Variants in WWOX observed in about 807,000 individuals in gnomAD.
WWOX encodes the protein WW domain-containing oxidoreductase.
Under a neutral mutation model 46.2 loss-of-function variants are expected in WWOX, and 69 were observed. That is an observed-to-expected ratio of 1.49 (90% CI 1.23 to 1.82). The LOEUF (loss-of-function observed/expected upper bound fraction) is 1.82. Among genes scored for constraint, WWOX ranks in the 40% most tolerant of loss-of-function variants. The probability of loss-of-function intolerance (pLI) is 0.00; values close to 1 mark genes in which losing one functional copy is unlikely to be tolerated. For missense variants in WWOX, 919 were observed against 542.6 expected (o/e 1.69, Z -6.89); for synonymous variants, 359 against 202.6 (o/e 1.77, Z -6.56).
At chr16:78,636,642 C>T (rs971423179) in intron 8 of WWOX, among the ~76,000 whole-genome samples, 1 of 152,090 alleles carries the variant, frequency 6.6e-6, no homozygotes, top group African/African-American at 2.4e-5. Flanking sequence ...TTTTTAGCCT[C>T]AAGTTTCTGG....
intron 8 of WWOX, among the ~76,000 whole-genome samples, chr16:78,865,094 A>C (rs1025316734): frequency 1.8e-4 from 27 of 152,088 alleles, no homozygotes; most frequent in African/African-American, 6.5e-4. Flanking sequence ...TTAGTGCTTT[A>C]ATATGTTAAA....
chr16:78,769,362 CCT>C (rs1209090382), intron 8 of WWOX, among the ~76,000 whole-genome samples: 3 of 152,102 alleles, frequency 2.0e-5, no homozygotes, highest in African/African-American at 7.2e-5. Context: ...TGCTCCGCCC[CCT>C]CTCTTCCCCT....
chr16:78,730,313 C>G (rs1339070426), intron 8 of WWOX, among the ~76,000 whole-genome samples: 2 of 152,174 alleles, frequency 1.3e-5, no homozygotes, highest in East Asian at 3.9e-4. Context: ...CCTTCCCTCT[C>G]TGCCTCCTTC....
At chr16:79,023,392 A>T (rs542314298) in intron 8 of WWOX, among the ~76,000 whole-genome samples, 4 of 152,136 alleles carry the variant, frequency 2.6e-5, no homozygotes, top group East Asian at 3.9e-4. Flanking sequence ...CCCTTGAGTG[A>T]TTTACTTGGT....
In WWOX at chr16:78,972,232, C is replaced by G. The variant is rs114965211; in HGVS notation, c.1057-239376C>G. Among the ~76,000 whole-genome samples, 610 of 152,160 alleles carry G rather than the reference C, an allele frequency of 4.0e-3. 2 individuals carry two copies. Among genetic ancestry groups the G allele is most frequent in the African/African-American group, 0.014 (567 of 41,502 alleles). ...TTGGAGGGGCGTTCAGACAAAGAGCCAAATTTAAATTCATGTAATGTTGCT... is the reference window on the plus strand; with the variant it reads ...TTGGAGGGGCGTTCAGACAAAGAGCGAAATTTAAATTCATGTAATGTTGCT... On this transcript the variant is annotated intron_variant, in intron 8 of 8. Coordinates refer to ENST00000566780, the MANE Select transcript of WWOX (RefSeq NM_016373.4).
chr16:78,753,816 AAAAAAAAAAAT>A (rs1411564883), intron 8 of WWOX, among the ~76,000 whole-genome samples: 1 of 87,542 alleles, frequency 1.1e-5, no homozygotes, highest in African/African-American at 4.3e-5. Flanking sequence ...AAAAAAAAAA[AAAAAAAAAAAT>A]ATATATATAT....
chr16:79,212,332 G>C lies in WWOX; in HGVS notation c.*536G>C. The C allele has an allele frequency of 1.4e-6, 1 of 732,080 alleles. No individual in the cohort carries two copies. Among genetic ancestry groups the C allele is most frequent in the Non-Finnish European group, 2.1e-6 (1 of 470,010 alleles). 45.3% of individuals were successfully genotyped at this position (732,080 alleles called of 1,614,324 possible). ...AGACAAATCTCAGAACCTTGTCCCA[G>C]CCAGTGAGGATGACAGTGACACCCA... On this transcript the variant is annotated 3_prime_UTR_variant, in exon 9 of 9. Coordinates refer to ENST00000566780, the MANE Select transcript of WWOX (RefSeq NM_016373.4).
At chr16:78,232,598 T>C (rs1413195827) in intron 5 of WWOX, among the ~76,000 whole-genome samples, 2 of 152,198 alleles carry the variant, frequency 1.3e-5, no homozygotes, top group Non-Finnish European at 2.9e-5. Context: ...AAAATTAACT[T>C]TTAAAATCTG....
intron 8 of WWOX, among the ~76,000 whole-genome samples, chr16:78,467,333 G>A (rs755987543): frequency 3.8e-4 from 58 of 151,960 alleles, no homozygotes; most frequent in African/African-American, 5.3e-4. Flanking sequence ...ACATGTATGC[G>A]CACATACACA....
intron 8 of WWOX, among the ~76,000 whole-genome samples, chr16:78,536,908 T>G (rs1000035599): frequency 5.3e-5 from 8 of 151,648 alleles, no homozygotes; most frequent in African/African-American, 1.9e-4. Context: ...AGTCTTTTTT[T>G]TTTTTTTTTT....
At chr16:78,626,812 A>T (rs62039373) in intron 8 of WWOX, among the ~76,000 whole-genome samples, 1 of 151,934 alleles carries the variant, frequency 6.6e-6, no homozygotes, top group Non-Finnish European at 1.5e-5. Context: ...TCATTTATTT[A>T]TATCACGGTA....
chr16:78,479,916 A>G (rs558477122), intron 8 of WWOX, among the ~76,000 whole-genome samples: 3 of 152,332 alleles, frequency 2.0e-5, no homozygotes, highest in African/African-American at 7.2e-5. Context: ...AGGAGGAACC[A>G]ATGACAATGG....
Position 79,211,840 on chromosome 16 carries a change from G to T in WWOX, c.*44G>T, listed in dbSNP as rs200566063. On this transcript the variant is annotated 3_prime_UTR_variant, in exon 9 of 9. Transcript: ENST00000566780. ...GGGCACACACACCCGCCCTGTGTGTGTCCCCTCACGCAAGTGCCAGGGCTG... is the reference window on the plus strand; with the variant it reads ...GGGCACACACACCCGCCCTGTGTGTTTCCCCTCACGCAAGTGCCAGGGCTG... The T allele has an allele frequency of 1.9e-3, 3,052 of 1,611,590 alleles. 42 individuals are homozygous for T. Among genetic ancestry groups the T allele is most frequent in the Middle Eastern group, 6.3e-3 (38 of 6,060 alleles).
intron 8 of WWOX, among the ~76,000 whole-genome samples, chr16:78,679,843 G>A (rs1204866597): frequency 6.6e-6 from 1 of 152,126 alleles, no homozygotes; most frequent in Non-Finnish European, 1.5e-5. Context: ...CTGTTTTAGG[G>A]GCCATGCTGT....
At chr16:78,530,204 G>C (rs2043588294) in intron 8 of WWOX, among the ~76,000 whole-genome samples, 1 of 152,168 alleles carries the variant, frequency 6.6e-6, no homozygotes, top group Non-Finnish European at 1.5e-5. Flanking sequence ...ACCCTAAAAG[G>C]AGTGTTACAG....
chr16:79,106,666 T>C (rs1270357965), intron 8 of WWOX: 1 of 139,324 alleles, frequency 7.2e-6, no homozygotes, highest in Non-Finnish European at 1.5e-5. Context: ...GTCAGGATCA[T>C]AGCTCCACTG....
At chr16:78,457,586 A>G (rs1209269880) in intron 8 of WWOX, among the ~76,000 whole-genome samples, 1 of 152,040 alleles carries the variant, frequency 6.6e-6, no homozygotes, top group East Asian at 1.9e-4. Flanking sequence ...TGCATTTACA[A>G]CATTTGTGGG....
chr16:78,119,896 T>C lies in WWOX; in HGVS notation c.409+4742T>C, dbSNP rs79181213. On this transcript the variant is annotated intron_variant, in intron 4 of 8. Transcript: ENST00000566780. ...TGATTTTTAAAATTTTTTTCAGAGT[T>C]TGGTCCAGATGAAGTTTCTTTCACC... is the stretch of plus-strand genomic sequence containing the variant. Among the ~76,000 whole-genome samples the C allele has an allele frequency of 6.0e-4, 92 of 152,354 alleles. No individual in the cohort carries two copies. The East Asian group carries it at 0.017, about 28-fold the overall frequency.
intron 8 of WWOX, among the ~76,000 whole-genome samples, chr16:78,660,697 C>T (rs373552019): frequency 6.6e-6 from 1 of 152,156 alleles, no homozygotes. Context: ...AGTAAAATTT[C>T]TTTCATTCCC....
Sources: gnomAD v4.1 joint callset for allele counts (sites outside exome capture counted in the v4.1 genomes callset) on GRCh38, gnomAD v4.1.1 for gene constraint, MANE v1.5 for transcripts, NCBI Gene and HGNC (gene_info 2026-07-23, HGNC 2026-07-21) for gene names.